SUSD1: variants seen among roughly 807,000 people sequenced by gnomAD.
SUSD1 encodes sushi domain containing 1, also known as sushi domain-containing protein 1.
In SUSD1, 65 loss-of-function variants were observed where a neutral mutation model predicts 86.9. The ratio of observed to expected loss-of-function variants is 0.75; its 90% confidence interval spans 0.61 to 0.92. The LOEUF is 0.92. Among genes scored for constraint, SUSD1 ranks in the 40% least tolerant of loss-of-function variants. The pLI, the probability that SUSD1 is intolerant of heterozygous loss-of-function variation, is 0.00. For missense variants in SUSD1, 850 were observed against 929.7 expected, an observed-to-expected ratio of 0.91 and a Z score of 1.11; for synonymous variants, 346 against 350.0, an observed-to-expected ratio of 0.99 and a Z score of 0.13.
intron 12 of SUSD1, among the ~76,000 whole-genome samples, chr9:112,067,420 G>A (rs1291971046): frequency 2.0e-5 from 3 of 152,222 alleles, no homozygotes; most frequent in Non-Finnish European, 2.9e-5. Context: ...TGCTTAAGCT[G>A]GTTGGAGTTG....
At chr9:112,123,088 G>A (rs1831619095) in intron 6 of SUSD1, among the ~76,000 whole-genome samples, 1 of 152,194 alleles carries the variant, frequency 6.6e-6, no homozygotes, top group South Asian at 2.1e-4. Context: ...CTTAAAAATA[G>A]TTAAGATGGT....
chr9:112,085,458 G>A (rs1829938199), intron 10 of SUSD1, among the ~76,000 whole-genome samples: 1 of 152,112 alleles, frequency 6.6e-6, no homozygotes. Context: ...TCACAGTTAA[G>A]GCAACTGGGA....
intron 13 of SUSD1, among the ~76,000 whole-genome samples, chr9:112,062,182 C>T (rs188619211): frequency 6.6e-6 from 1 of 152,152 alleles, no homozygotes; most frequent in Non-Finnish European, 1.5e-5. Flanking sequence ...TGCACACCCC[C>T]CAAGATCAAC....
At chr9:112,110,471 A>G (rs1056909264) in intron 8 of SUSD1, among the ~76,000 whole-genome samples, 2 of 147,580 alleles carry the variant, frequency 1.4e-5, no homozygotes, top group Non-Finnish European at 3.0e-5. Context: ...ATCATAGCTC[A>G]CTGCAGCCTT....
chr9:112,067,598 G>C (rs1168255019), intron 12 of SUSD1, among the ~76,000 whole-genome samples: 10 of 152,194 alleles, frequency 6.6e-5, no homozygotes, highest in Admixed American at 6.5e-4. Context: ...AAGAAGAATT[G>C]CTGTGAATTC....
intron 8 of SUSD1, among the ~76,000 whole-genome samples, chr9:112,108,974 A>G (rs1830974556): frequency 6.6e-6 from 1 of 152,106 alleles, no homozygotes; most frequent in African/African-American, 2.4e-5. Context: ...CAACCTCTAA[A>G]AAGAGAAAGA....
chr9:112,156,576 TA>T (rs917743518), intron 2 of SUSD1, among the ~76,000 whole-genome samples: 15 of 151,994 alleles, frequency 9.9e-5, no homozygotes, highest in Non-Finnish European at 7.4e-5. Flanking sequence ...GTGGCTAATT[TA>T]AAAAAAACTT....
chr9:112,048,212 T>G (rs1191816739), intron 15 of SUSD1, among the ~76,000 whole-genome samples: 1 of 152,156 alleles, frequency 6.6e-6, no homozygotes. Flanking sequence ...ATCTCCCTAT[T>G]CGGGAGCTTA....
At position 112,080,141 on chromosome 9, in the gene SUSD1, G is replaced by C. The variant is rs1829702655; in HGVS notation, c.1499C>G (p.Ser500Ter). 6.2e-7 allele frequency: 1 copy of C among 1,613,034 alleles called. No homozygotes were observed. Residue 500 changes from serine (S) to a stop codon, truncating the protein, a stop_gained, in exon 11 of 17, where the codon TCA becomes TGA. Coordinates refer to ENST00000374270, the MANE Select transcript of SUSD1 (RefSeq NM_022486.5). LOFTEE classifies it high-confidence loss of function. ...TCTCAAGCAGGTTTCATTAAATCCT[G>C]AAATGTTACTGATGGTCTGTTTTAC... Reference protein sequence around the residue: ...PAVKQTISNISGFNETCLRWR... With the variant: ...PAVKQTISNI
intron 1 of SUSD1, among the ~76,000 whole-genome samples, chr9:112,174,215 C>G (rs1787122570): frequency 6.6e-6 from 1 of 152,140 alleles, no homozygotes; most frequent in Non-Finnish European, 1.5e-5. Context: ...GGTGACAGTG[C>G]CTTCTGCTAT....
chr9:112,055,997 A>T (rs1828431525), intron 14 of SUSD1, among the ~76,000 whole-genome samples: 1 of 152,222 alleles, frequency 6.6e-6, no homozygotes, highest in Admixed American at 6.5e-5. Flanking sequence ...GTGATGGCTC[A>T]TGCCTGTAAT....
intron 2 of SUSD1, among the ~76,000 whole-genome samples, chr9:112,150,251 T>C (rs1479293038): frequency 6.6e-6 from 1 of 152,224 alleles, no homozygotes; most frequent in African/African-American, 2.4e-5. Flanking sequence ...CCATGGGCCA[T>C]AGTTTGCTGA....
intron 2 of SUSD1, among the ~76,000 whole-genome samples, chr9:112,150,050 G>T (rs1317049496): frequency 1.3e-5 from 2 of 152,206 alleles, no homozygotes; most frequent in Non-Finnish European, 2.9e-5. Flanking sequence ...GATGCAAAAT[G>T]AACGTAAATC....
At chr9:112,115,149 A>G (rs2782940) in intron 6 of SUSD1, among the ~76,000 whole-genome samples, 21,283 of 152,284 alleles carry the variant, frequency 0.14, 1,904 homozygotes, top group East Asian at 0.31. Context: ...GCAGTCTCCA[A>G]GTGCAAAAGG....
intron 6 of SUSD1, among the ~76,000 whole-genome samples, chr9:112,117,152 A>G (rs1335670872): frequency 1.3e-5 from 2 of 152,226 alleles, no homozygotes; most frequent in Non-Finnish European, 2.9e-5. Flanking sequence ...AAAAATAAAA[A>G]TAAATTCTTT....
chr9:112,109,084 T>C (rs775501283), intron 8 of SUSD1, among the ~76,000 whole-genome samples: 29 of 152,158 alleles, frequency 1.9e-4, no homozygotes, highest in Non-Finnish European at 3.8e-4. Flanking sequence ...ATATGTGTAG[T>C]ATATCAACCA....
chr9:112,173,299 G>A (rs1225515375), intron 1 of SUSD1, among the ~76,000 whole-genome samples: 2 of 152,160 alleles, frequency 1.3e-5, no homozygotes, highest in Non-Finnish European at 2.9e-5. Context: ...GGGGCGGCAG[G>A]CAGGATTCTC....
chr9:112,103,075 C>G (rs770626399), intron 8 of SUSD1: 1 of 408,048 alleles, frequency 2.5e-6, no homozygotes, highest in Non-Finnish European at 4.9e-6. Context: ...TGCATGTTTT[C>G]TACCAATGAG....
intron 12 of SUSD1, among the ~76,000 whole-genome samples, chr9:112,072,819 T>C (rs1829341818): frequency 6.6e-6 from 1 of 152,236 alleles, no homozygotes; most frequent in Admixed American, 6.5e-5. Flanking sequence ...AAAGAGCCTG[T>C]GTCCACGGAA....
Sources: allele counts gnomAD v4.1 joint callset (sites outside exome capture counted in the v4.1 genomes callset), GRCh38; gene constraint gnomAD v4.1.1; transcripts MANE v1.5; gene names NCBI Gene and HGNC (gene_info 2026-07-23, HGNC 2026-07-21).